Variants in DLG2 observed in about 807,000 individuals in gnomAD.
DLG2 encodes disks large homolog 2.
Under a neutral mutation model 132.5 loss-of-function variants are expected in DLG2, and 45 were observed. The ratio of observed to expected loss-of-function variants is 0.34; its 90% CI spans 0.27 to 0.44. The LOEUF (loss-of-function observed/expected upper bound fraction) is 0.44, where lower values mean the gene tolerates loss of function less well. Ranked by LOEUF, DLG2 falls within the 20% of genes least tolerant of loss-of-function variation. DLG2 has a pLI of 1.00. For synonymous variants in DLG2, 424 were observed against 419.6 expected (o/e 1.01, Z -0.13); for missense variants, 1,045 against 1,196.9 (o/e 0.87, Z 1.87).
At chr11:84,791,801 T>C (rs552780506) in intron 6 of DLG2, among the ~76,000 whole-genome samples, 2 of 152,334 alleles carry the variant, frequency 1.3e-5, no homozygotes, top group East Asian at 3.9e-4. Context: ...TTCAATTTTA[T>C]TGAATTTATC....
At chr11:84,351,114 T>C (rs1316944844) in intron 7 of DLG2, among the ~76,000 whole-genome samples, 2 of 151,362 alleles carry the variant, frequency 1.3e-5, no homozygotes, top group Non-Finnish European at 2.9e-5. Context: ...AGGAAAAATA[T>C]GTTTCTCCAG....
At chr11:84,257,112 T>C (rs1388082809) in intron 7 of DLG2, among the ~76,000 whole-genome samples, 1 of 152,140 alleles carries the variant, frequency 6.6e-6, no homozygotes, top group African/African-American at 2.4e-5. Context: ...AGGATAACTG[T>C]ATTGTGTATT....
intron 19 of DLG2, among the ~76,000 whole-genome samples, chr11:83,591,932 C>T (rs1162926084): frequency 7.0e-6 from 1 of 142,608 alleles, no homozygotes; most frequent in Non-Finnish European, 1.5e-5. Flanking sequence ...ATCCAACTTA[C>T]AAGGGATGTG....
At chr11:85,036,569 T>G (rs1205265507) in intron 6 of DLG2, among the ~76,000 whole-genome samples, 1 of 152,250 alleles carries the variant, frequency 6.6e-6, no homozygotes, top group Non-Finnish European at 1.5e-5. Context: ...AGTCCAATCA[T>G]ATAGCATAAA....
intron 18 of DLG2, among the ~76,000 whole-genome samples, chr11:83,664,773 G>A (rs2075154242): frequency 6.6e-6 from 1 of 152,174 alleles, no homozygotes; most frequent in Non-Finnish European, 1.5e-5. Context: ...GCTAACTGAT[G>A]TCTATGTGCT....
chr11:84,195,843 GTTTA>G (rs2096505713), intron 8 of DLG2, among the ~76,000 whole-genome samples: 1 of 152,030 alleles, frequency 6.6e-6, no homozygotes, highest in Non-Finnish European at 1.5e-5. Context: ...GTGTGTGTTT[GTTTA>G]TTTAATGTTG....
At chr11:85,066,569 C>G (rs1321073893) in intron 6 of DLG2, among the ~76,000 whole-genome samples, 8 of 151,698 alleles carry the variant, frequency 5.3e-5, no homozygotes, top group African/African-American at 1.9e-4. Flanking sequence ...TTGAATCCAA[C>G]AGCAAATTAA....
intron 6 of DLG2, among the ~76,000 whole-genome samples, chr11:84,921,694 T>C (rs1410302420): frequency 6.6e-6 from 1 of 152,140 alleles, no homozygotes; most frequent in Non-Finnish European, 1.5e-5. Context: ...ATAAAGTACT[T>C]TTCTCCTTTC....
At chr11:83,888,857 AG>A (rs1439077782) in intron 15 of DLG2, among the ~76,000 whole-genome samples, 2 of 152,240 alleles carry the variant, frequency 1.3e-5, no homozygotes, top group Admixed American at 1.3e-4. Context: ...CAATGGGGAA[AG>A]GATTCCGTAT....
At chr11:85,486,969 A>G (rs1204507803) in intron 3 of DLG2, among the ~76,000 whole-genome samples, 3 of 151,478 alleles carry the variant, frequency 2.0e-5, no homozygotes, top group Non-Finnish European at 4.4e-5. Context: ...GCATAACTTC[A>G]CCAACATCTC....
intron 3 of DLG2, among the ~76,000 whole-genome samples, chr11:85,507,163 C>A (rs1254423187): frequency 6.6e-6 from 1 of 152,088 alleles, no homozygotes; most frequent in Non-Finnish European, 1.5e-5. Context: ...ACTCTTTGTC[C>A]AATTTGCCAG....
intron 6 of DLG2, among the ~76,000 whole-genome samples, chr11:84,962,805 T>C (rs1299903215): frequency 6.6e-6 from 1 of 152,236 alleles, no homozygotes; most frequent in Non-Finnish European, 1.5e-5. Context: ...TAGCTAAAGA[T>C]ACTTCTATTT....
intron 6 of DLG2, among the ~76,000 whole-genome samples, chr11:84,540,815 G>C (rs1053725289): frequency 2.0e-5 from 3 of 152,132 alleles, no homozygotes; most frequent in Non-Finnish European, 2.9e-5. Flanking sequence ...TGATAGACTG[G>C]ATTAAGAAAA....
intron 11 of DLG2, among the ~76,000 whole-genome samples, chr11:84,012,226 T>G (rs2094926612): frequency 6.6e-6 from 1 of 152,162 alleles, no homozygotes; most frequent in African/African-American, 2.4e-5. Flanking sequence ...TGAAACATTT[T>G]AGTTATTGTT....
intron 3 of DLG2, among the ~76,000 whole-genome samples, chr11:85,381,924 C>T (rs2085926048): frequency 6.6e-6 from 1 of 152,048 alleles, no homozygotes; most frequent in African/African-American, 2.4e-5. Flanking sequence ...AACTGATTTA[C>T]AGATTCCACA....
At chr11:85,381,113 G>T (rs1193824860) in intron 3 of DLG2, among the ~76,000 whole-genome samples, 1 of 152,208 alleles carries the variant, frequency 6.6e-6, no homozygotes, top group Non-Finnish European at 1.5e-5. Flanking sequence ...GATACCATCA[G>T]GAGTGCTAGC....
At chr11:85,260,502 T>C (rs1370618685) in intron 4 of DLG2, among the ~76,000 whole-genome samples, 1 of 152,222 alleles carries the variant, frequency 6.6e-6, no homozygotes, top group East Asian at 1.9e-4. Context: ...TGGTTGTACC[T>C]CCCTAATACC....
chr11:84,745,263 C>T (rs962307017), intron 6 of DLG2, among the ~76,000 whole-genome samples: 1 of 152,186 alleles, frequency 6.6e-6, no homozygotes, highest in African/African-American at 2.4e-5. Context: ...TGGGAGGTGA[C>T]TGGATCATGG....
At chr11:85,205,120 T>C (rs2152559811) in intron 4 of DLG2, among the ~76,000 whole-genome samples, 1 of 147,996 alleles carries the variant, frequency 6.8e-6, no homozygotes, top group African/African-American at 2.5e-5. Flanking sequence ...GATAAAGAAA[T>C]ATATATAATT....
Sources: allele counts gnomAD v4.1 joint callset (sites outside exome capture counted in the v4.1 genomes callset), GRCh38; gene constraint gnomAD v4.1.1; transcripts MANE v1.5; gene names NCBI Gene and HGNC (gene_info 2026-07-23, HGNC 2026-07-21).